The following KIAA0513 variants were observed in gnomAD, a reference collection of about 807,000 sequenced individuals.
KIAA0513 encodes uncharacterized protein KIAA0513.
In KIAA0513, 39 loss-of-function variants were observed where a neutral mutation model predicts 56.5. That is an observed-to-expected ratio of 0.69 (90% confidence interval 0.53 to 0.90). The LOEUF (loss-of-function observed/expected upper bound fraction) is 0.90. Ranked by LOEUF, KIAA0513 falls within the 40% of genes least tolerant of loss-of-function variation. KIAA0513 has a pLI of 0.00. For synonymous variants in KIAA0513, 268 were observed against 215.6 expected (o/e 1.24, Z -2.13); for missense variants, 591 against 535.2 (o/e 1.10, Z -1.03).
intron 1 of KIAA0513, among the ~76,000 whole-genome samples, chr16:85,057,571 C>G (rs1425471444): frequency 6.6e-6 from 1 of 152,164 alleles, no homozygotes; most frequent in East Asian, 1.9e-4. Flanking sequence ...ATGGGCCTGA[C>G]CCTGTTCCAG....
chr16:85,057,554 A>G (rs1186484303), intron 1 of KIAA0513, among the ~76,000 whole-genome samples: 1 of 152,164 alleles, frequency 6.6e-6, no homozygotes, highest in South Asian at 2.1e-4. Flanking sequence ...CATTGACAAC[A>G]TCTCTTATGG....
chr16:85,088,402 A>C lies in KIAA0513; in HGVS notation c.*77A>C. Reference sequence around the variant, plus strand: ...GGGCCCAGCGCCCGGCCGTCACCCCACCCGATGACCTGCATGAAGCCAGCA... The same window carrying C: ...GGGCCCAGCGCCCGGCCGTCACCCCCCCCGATGACCTGCATGAAGCCAGCA... On this transcript the variant is annotated 3_prime_UTR_variant, in exon 13 of 13. Coordinates refer to ENST00000683363, the MANE Select transcript of KIAA0513 (RefSeq NM_001388359.1). 2 of 1,277,300 alleles carry C rather than the reference A, an allele frequency of 1.6e-6. No individual in the cohort carries two copies. 79.1% of individuals were successfully genotyped at this position (1,277,300 alleles called of 1,614,324 possible). A position where few individuals can be genotyped will look rare whatever the true frequency, so the allele number is the denominator to read the frequency against.
chr16:85,045,264 G>A (rs2073156548), intron 1 of KIAA0513, among the ~76,000 whole-genome samples: 1 of 152,220 alleles, frequency 6.6e-6, no homozygotes, highest in South Asian at 2.1e-4. Context: ...ACACATGCCT[G>A]GTTTCAGCTG....
chr16:85,080,861 G>A lies in KIAA0513; in HGVS notation c.903-454G>A, dbSNP rs77253553. ...TGAGTATCCCTATGAACGTTAGTTC[G>A]CTCAGCACACGAGGAGTCCCTGCCT... On this transcript the variant is annotated intron_variant, in intron 8 of 12. Transcript: ENST00000683363. 4.1e-3 allele frequency among the ~76,000 whole-genome samples: 623 copies of A among 152,260 alleles called. 1 individual carries two copies. The highest frequency in any genetic ancestry group is 7.2e-3 in the Non-Finnish European group (493 of 68,010).
At chr16:85,064,087 C>T (rs935594833) in intron 1 of KIAA0513, among the ~76,000 whole-genome samples, 2 of 148,498 alleles carry the variant, frequency 1.3e-5, no homozygotes, top group African/African-American at 5.0e-5. Context: ...CTCACTGCAA[C>T]CTCTGCCTCC....
At chr16:85,048,549 A>T (rs962081438) in intron 1 of KIAA0513, among the ~76,000 whole-genome samples, 3 of 152,052 alleles carry the variant, frequency 2.0e-5, no homozygotes, top group African/African-American at 7.2e-5. Context: ...TCAAAAAACA[A>T]AGCTTTTATT....
chr16:85,059,781 C>T (rs1025044190), intron 1 of KIAA0513, among the ~76,000 whole-genome samples: 3 of 152,216 alleles, frequency 2.0e-5, no homozygotes, highest in Non-Finnish European at 4.4e-5. Flanking sequence ...CTTCGCCCTT[C>T]GAGCTGGGAG....
intron 1 of KIAA0513, among the ~76,000 whole-genome samples, chr16:85,039,327 G>A (rs1190861895): frequency 6.6e-6 from 1 of 152,156 alleles, no homozygotes; most frequent in Non-Finnish European, 1.5e-5. Flanking sequence ...TTTTGAGATA[G>A]GGTCTCACTC....
chr16:85,053,404 C>A (rs1378212048), intron 1 of KIAA0513, among the ~76,000 whole-genome samples: 2 of 152,200 alleles, frequency 1.3e-5, no homozygotes, highest in Non-Finnish European at 2.9e-5. Flanking sequence ...TGTAAGTTAA[C>A]TGTATCTCTT....
intron 2 of KIAA0513, among the ~76,000 whole-genome samples, chr16:85,070,014 C>A (rs1003377212): frequency 1.3e-5 from 2 of 149,426 alleles, no homozygotes; most frequent in African/African-American, 5.0e-5. Context: ...AAAAAAAAAC[C>A]ACAAAAATTA....
intron 4 of KIAA0513, among the ~76,000 whole-genome samples, chr16:85,073,637 A>C: frequency 6.6e-6 from 1 of 152,190 alleles, no homozygotes; most frequent in South Asian, 2.1e-4. Flanking sequence ...CATGCCTCCA[A>C]GGTGTGAAAT....
At chr16:85,065,699 A>G (rs1266456186) in intron 1 of KIAA0513, among the ~76,000 whole-genome samples, 2 of 152,126 alleles carry the variant, frequency 1.3e-5, no homozygotes, top group South Asian at 2.1e-4. Flanking sequence ...TGTCCTAGAT[A>G]TTTGGGGTCT....
intron 2 of KIAA0513, among the ~76,000 whole-genome samples, chr16:85,070,777 A>G (rs1393539850): frequency 6.6e-6 from 1 of 152,238 alleles, no homozygotes; most frequent in Non-Finnish European, 1.5e-5. Context: ...ACCAACACTG[A>G]GATGGGTGCG....
intron 2 of KIAA0513, among the ~76,000 whole-genome samples, chr16:85,070,679 C>CA (rs1415554298): frequency 3.3e-5 from 5 of 151,734 alleles, no homozygotes; most frequent in African/African-American, 4.9e-5. Context: ...GACTCCGTCT[C>CA]AAAAAAAATT....
chr16:85,060,879 C>A (rs929214633), intron 1 of KIAA0513, among the ~76,000 whole-genome samples: 1 of 151,276 alleles, frequency 6.6e-6, no homozygotes, highest in African/African-American at 2.4e-5. Flanking sequence ...AAAGACTGGG[C>A]CCAGTGGCTC....
At chr16:85,080,665 A>G (rs2073730574) in intron 8 of KIAA0513, among the ~76,000 whole-genome samples, 1 of 152,102 alleles carries the variant, frequency 6.6e-6, no homozygotes, top group South Asian at 2.1e-4. Context: ...GTGGTGGCGC[A>G]TGCCTATAAT....
rs1016972852 is a variant in KIAA0513 at position 85,076,661 on chromosome 16, C to T, written c.574+747C>T. Among the ~76,000 whole-genome samples, 4 of 152,154 alleles carry T rather than the reference C, an allele frequency of 2.6e-5. No individual in the cohort carries two copies. Among genetic ancestry groups the T allele is most frequent in the Non-Finnish European group, 5.9e-5 (4 of 68,030 alleles). ...CTCCCCCTCCCACAGCCATCCTCTCCGCACCCCTCAGTTCAGTTGGTCCAA... is the reference window on the plus strand; with the variant it reads ...CTCCCCCTCCCACAGCCATCCTCTCTGCACCCCTCAGTTCAGTTGGTCCAA... On this transcript the variant is annotated intron_variant, in intron 5 of 12. Coordinates refer to ENST00000683363, the MANE Select transcript of KIAA0513 (RefSeq NM_001388359.1). The surrounding 1 kb of genome is among the most constrained non-coding windows in gnomAD (Gnocchi z 4.7).
At chr16:85,028,519 A>G (rs1252841286) in intron 1 of KIAA0513, among the ~76,000 whole-genome samples, 1 of 152,118 alleles carries the variant, frequency 6.6e-6, no homozygotes, top group African/African-American at 2.4e-5. Flanking sequence ...ATGCGGTTTT[A>G]GCAGCTCAGT....
In KIAA0513 at chr16:85,081,418, G is replaced by C. The variant is rs776355277; in HGVS notation, c.980+26G>C. 27 of 1,548,130 alleles carry C rather than the reference G, an allele frequency of 1.7e-5. No individual in the cohort carries two copies. The highest frequency in any genetic ancestry group is 2.4e-5 in the Non-Finnish European group (27 of 1,143,120). On this transcript the variant is annotated intron_variant, in intron 9 of 12. Transcript: ENST00000683363. This position sits in a 1 kb window ranked among gnomAD's most constrained non-coding sequence, Gnocchi z 4.4. ...GTAGGAGCAAAGTGTGGCCCCATTTGGCCTCAGGAAAAAGGACCAGGGAGT... is the reference window on the plus strand; with the variant it reads ...GTAGGAGCAAAGTGTGGCCCCATTTCGCCTCAGGAAAAAGGACCAGGGAGT...
Sources: gnomAD v4.1 joint callset for allele counts (sites outside exome capture counted in the v4.1 genomes callset) on GRCh38, gnomAD v4.1.1 for gene constraint, Gnocchi (gnomAD v3.1) non-coding constraint, MANE v1.5 for transcripts, NCBI Gene and HGNC (gene_info 2026-07-23, HGNC 2026-07-21) for gene names.